The following NOX4 variants were observed in gnomAD, a reference collection of about 807,000 sequenced individuals.
NOX4 encodes the protein NADPH oxidase 4.
Under a neutral mutation model 87.6 loss-of-function variants are expected in NOX4, and 69 were observed. That is an observed-to-expected ratio of 0.79 (90% CI 0.65 to 0.96). The LOEUF (loss-of-function observed/expected upper bound fraction) is 0.96, where lower values mean the gene tolerates loss of function less well. NOX4 is among the 40% of genes least tolerant of loss of function. The pLI is 0.00. For missense variants in NOX4, 680 were observed against 681.5 expected (o/e 1.00, Z 0.02); for synonymous variants, 275 against 238.2 (o/e 1.15, Z -1.42).
At chr11:89,484,911 T>C (rs1331500613) in intron 2 of NOX4, among the ~76,000 whole-genome samples, 1 of 152,128 alleles carries the variant, frequency 6.6e-6, no homozygotes, top group Non-Finnish European at 1.5e-5. Flanking sequence ...TTACAGTCTG[T>C]ATAATTAGGA....
At chr11:89,385,721 G>A (rs546444912) in intron 11 of NOX4, among the ~76,000 whole-genome samples, 243 of 152,180 alleles carry the variant, frequency 1.6e-3, no homozygotes, top group African/African-American at 5.5e-3. Context: ...AGTCAAGCTC[G>A]AGAATTTGCC....
At chr11:89,431,927 A>G (rs1943809262) in intron 7 of NOX4, among the ~76,000 whole-genome samples, 1 of 152,166 alleles carries the variant, frequency 6.6e-6, no homozygotes, top group Non-Finnish European at 1.5e-5. Context: ...CACTATTCAC[A>G]ATAGCAAAGA....
chr11:89,428,359 C>T (rs1429138494), intron 7 of NOX4, among the ~76,000 whole-genome samples: 1 of 152,170 alleles, frequency 6.6e-6, no homozygotes, highest in Non-Finnish European at 1.5e-5. Context: ...ATCAAATTCA[C>T]ACATAACAAT....
At chr11:89,410,099 C>G (rs913144830) in intron 8 of NOX4, among the ~76,000 whole-genome samples, 2 of 151,982 alleles carry the variant, frequency 1.3e-5, no homozygotes, top group African/African-American at 4.8e-5. Flanking sequence ...CATGGGTTTT[C>G]TTTTCTTTCA....
intron 15 of NOX4, 57 bp from the exon 16 acceptor site, chr11:89,337,572 T>C (rs1040970180): frequency 5.0e-6 from 8 of 1,595,330 alleles, no homozygotes; most frequent in Non-Finnish European, 6.0e-6. Flanking sequence ...TACTCAGATT[T>C]TCTCCTATTC....
intron 5 of NOX4, among the ~76,000 whole-genome samples, chr11:89,442,034 T>G (rs1944480860): frequency 6.7e-6 from 1 of 148,222 alleles, no homozygotes; most frequent in African/African-American, 2.4e-5. Context: ...TGCCATATAT[T>G]TATTTACATA....
chr11:89,444,369 G>A, intron 4 of NOX4, 137 bp from the exon 5 acceptor site: 3 of 691,594 alleles, frequency 4.3e-6, no homozygotes, highest in South Asian at 4.2e-5. Context: ...TACATTGAAA[G>A]GTGAAGTTTT....
chr11:89,512,068 TTA>T, the NOX4 span, among the ~76,000 whole-genome samples: 1 of 152,078 alleles, frequency 6.6e-6, no homozygotes, highest in East Asian at 1.9e-4. Context: ...TCAGCTTGCC[TTA>T]TATATTGCAT....
chr11:89,488,885 T>C (rs905259122), intron 2 of NOX4: 19 of 646,762 alleles, frequency 2.9e-5, no homozygotes, highest in Non-Finnish European at 5.0e-5. Flanking sequence ...TATTGAATTA[T>C]AATTATTTAT....
At chr11:89,485,095 CT>C in intron 2 of NOX4, among the ~76,000 whole-genome samples, 1 of 152,186 alleles carries the variant, frequency 6.6e-6, no homozygotes, top group Non-Finnish European at 1.5e-5. Context: ...ATTTCTGTCT[CT>C]GTAAAATGTT....
chr11:89,497,993 T>C (rs1565359385), intron 1 of NOX4: 1 of 152,216 alleles, frequency 6.6e-6, no homozygotes, highest in Non-Finnish European at 1.5e-5. Flanking sequence ...ATGGCACACC[T>C]TACCTGGAGA....
rs1190042240 is a variant in NOX4, at chr11:89,400,274, G to T, written c.952C>A (p.Pro318Thr). Reference sequence around the variant, plus strand: ...ATTCGGATTTCCATGACATCTGAGGGATGACTCATGACCGAAATGATGGTG... The same window carrying T: ...ATTCGGATTTCCATGACATCTGAGGTATGACTCATGACCGAAATGATGGTG... ...PVTIISVMSH[P>T]SDVMEIRMVK... Residue 318 changes from proline to threonine, a missense_variant, in exon 10 of 18, where the codon CCC becomes ACC. Physicochemically the swap from Pro to Thr is conservative, Grantham distance 38. Coordinates refer to ENST00000263317, the MANE Select transcript of NOX4 (RefSeq NM_016931.5). 29 of 1,612,828 alleles carry T rather than the reference G, an allele frequency of 1.8e-5. No individual in the cohort carries two copies. The highest frequency in any genetic ancestry group is 2.5e-5 in the Non-Finnish European group (29 of 1,179,302).
upstream of NOX4, among the ~76,000 whole-genome samples, chr11:89,492,935 CA>C (rs1259499907): frequency 1.3e-5 from 2 of 152,200 alleles, no homozygotes; most frequent in South Asian, 4.1e-4. Flanking sequence ...TTCAGAACAG[CA>C]AAAATAACAA....
chr11:89,553,358 C>A, the NOX4 span, among the ~76,000 whole-genome samples: 6 of 152,098 alleles, frequency 3.9e-5, no homozygotes, highest in African/African-American at 1.4e-4. Context: ...GTTTCCCCTG[C>A]CTCACTCTCT....
chr11:89,540,736 C>A, the NOX4 span, among the ~76,000 whole-genome samples: 1 of 135,318 alleles, frequency 7.4e-6, no homozygotes, highest in Non-Finnish European at 1.5e-5. Flanking sequence ...TGCAGTGAGC[C>A]GAGATCGCGA....
At chr11:89,566,288 G>C in the NOX4 span, among the ~76,000 whole-genome samples, 79,321 of 151,762 alleles carry the variant, frequency 0.52, 21,557 homozygotes, top group African/African-American at 0.67. Context: ...TGTGCTCCCC[G>C]CCCTTTGCCT....
chr11:89,576,983 G>T, the NOX4 span: 1 of 152,018 alleles, frequency 6.6e-6, no homozygotes, highest in African/African-American at 2.4e-5. Flanking sequence ...AACATGTGAA[G>T]AATGCCAGAG....
upstream of NOX4, among the ~76,000 whole-genome samples, chr11:89,501,377 C>A (rs1046732828): frequency 6.6e-6 from 1 of 151,702 alleles, no homozygotes; most frequent in Non-Finnish European, 1.5e-5. Context: ...AGGTAAAGAG[C>A]GGTAGTTTTG....
chr11:89,483,197 CAT>C (rs1946463053), intron 2 of NOX4, among the ~76,000 whole-genome samples: 1 of 152,030 alleles, frequency 6.6e-6, no homozygotes, highest in African/African-American at 2.4e-5. Flanking sequence ...TCTGACACGT[CAT>C]ATATAATCAA....
Sources: allele counts gnomAD v4.1 joint callset (sites outside exome capture counted in the v4.1 genomes callset), GRCh38; gene constraint gnomAD v4.1.1; transcripts MANE v1.5; gene names NCBI Gene and HGNC (gene_info 2026-07-23, HGNC 2026-07-21).